NRIP3: variants seen among roughly 807,000 people sequenced by gnomAD.
NRIP3 encodes the protein nuclear receptor interacting protein 3.
A neutral mutation model predicts 29.0 loss-of-function variants in NRIP3; 31 were observed. The observed-to-expected ratio is 1.07, with a 90% CI of 0.80 to 1.44. The LOEUF is 1.44. Among genes scored for constraint, NRIP3 ranks in the 40% most tolerant of loss-of-function variants. The pLI, the probability that NRIP3 is intolerant of heterozygous loss-of-function variation, is 0.00. For synonymous variants in NRIP3, 131 were observed against 118.3 expected, an observed-to-expected ratio of 1.11 and a Z score of -0.70; for missense variants, 314 against 297.9, an observed-to-expected ratio of 1.05 and a Z score of -0.40.
In NRIP3 at chr11:8,988,174, T is replaced by C; in HGVS notation, c.283A>G (p.Lys95Glu). ...TCAGACTTCTTTAGCCCCTCAGACT[T>C]AGCCTGATTGAGTTTGTTCGTCTTA... The part of the protein sequence containing the change: ...ASKTNKLNQA[K>E]SEGLKKSEED... The change falls in exon 2 of 7, where the codon AAG becomes GAG. Residue 95 changes from lysine to glutamate, a missense_variant. Physicochemically the swap from Lys to Glu is moderately conservative, Grantham distance 56 (BLOSUM62 1). Coordinates refer to ENST00000309166, the MANE Select transcript of NRIP3 (RefSeq NM_020645.3). The C allele has an allele frequency of 6.2e-7, 1 of 1,614,134 alleles. No homozygotes were observed. The highest frequency in any genetic ancestry group is 8.5e-7 in the Non-Finnish European group (1 of 1,180,016).
chr11:8,992,307 T>C (rs533902912), intron 1 of NRIP3, among the ~76,000 whole-genome samples: 1 of 152,292 alleles, frequency 6.6e-6, no homozygotes, highest in South Asian at 2.1e-4. Context: ...GACTGATTAG[T>C]TGATAGCTTG....
intron 1 of NRIP3, among the ~76,000 whole-genome samples, chr11:8,994,672 A>G (rs547535904): frequency 6.6e-6 from 1 of 152,328 alleles, no homozygotes; most frequent in Admixed American, 6.5e-5. Context: ...ATTAGAAACA[A>G]TGCTGCAATA....
intron 1 of NRIP3, 26 bp downstream of exon 1, chr11:9,003,736 G>A (rs1403551047): frequency 2.3e-5 from 32 of 1,389,708 alleles, no homozygotes; most frequent in Non-Finnish European, 3.0e-5. Flanking sequence ...GCCGGGGCCG[G>A]GGCGAGAACG....
intron 1 of NRIP3, among the ~76,000 whole-genome samples, chr11:8,990,516 T>C (rs1854581673): frequency 1.3e-5 from 2 of 152,210 alleles, no homozygotes; most frequent in African/African-American, 4.8e-5. Context: ...CCAGGCACGG[T>C]GGCTCACACC....
chr11:8,995,384 T>C (rs1854684038), intron 1 of NRIP3, among the ~76,000 whole-genome samples: 1 of 152,244 alleles, frequency 6.6e-6, no homozygotes, highest in South Asian at 2.1e-4. Context: ...TAAAGGAGGT[T>C]TGAACTCCAA....
intron 1 of NRIP3, among the ~76,000 whole-genome samples, chr11:8,997,948 G>C (rs566827160): frequency 6.6e-6 from 1 of 152,282 alleles, no homozygotes; most frequent in South Asian, 2.1e-4. Flanking sequence ...ATTCCCAAGA[G>C]AGAAATCCAA....
At chr11:8,994,017 A>G (rs574840068) in intron 1 of NRIP3, among the ~76,000 whole-genome samples, 2 of 152,282 alleles carry the variant, frequency 1.3e-5, no homozygotes, top group East Asian at 3.9e-4. Context: ...CAGCCACAAG[A>G]AAAGCCAACT....
At chr11:8,987,864 T>C (rs1009906351) in intron 2 of NRIP3, among the ~76,000 whole-genome samples, 1 of 152,220 alleles carries the variant, frequency 6.6e-6, no homozygotes, top group African/African-American at 2.4e-5. Context: ...TTTCATGCTA[T>C]ACACCAAATA....
At chr11:8,991,141 A>C (rs1276341757) in intron 1 of NRIP3, among the ~76,000 whole-genome samples, 2 of 152,132 alleles carry the variant, frequency 1.3e-5, no homozygotes, top group African/African-American at 2.4e-5. Context: ...CTCTACTAAA[A>C]ATACAAAAAA....
In NRIP3 at chr11:9,000,340, C is replaced by T. The variant is rs1854772278; in HGVS notation, c.174+3422G>A. Among the ~76,000 whole-genome samples the T allele has an allele frequency of 4.6e-5, 7 of 152,172 alleles. No individual in the cohort carries two copies. The South Asian group carries it at 1.4e-3, about 32-fold the overall frequency. On this transcript the variant is annotated intron_variant, in intron 1 of 6. Coordinates refer to ENST00000309166, the MANE Select transcript of NRIP3 (RefSeq NM_020645.3). ...TTCTCTTCTAAGCCTCTGAAATTCTCCAGCCCATGATTTGTGGTGATATGG... is the reference window on the plus strand; with the variant it reads ...TTCTCTTCTAAGCCTCTGAAATTCTTCAGCCCATGATTTGTGGTGATATGG...
Position 8,987,610 on chromosome 11 carries a change from T to C in NRIP3, c.360A>G (p.Lys120=), listed in dbSNP as rs1169241043. ...VSCQCAGKDV[K]ALVDTGCLYN... Reference sequence around the variant, plus strand: ...ATAGGCAGCCTGTGTCAACCAAGGCTTTCACATCCTTTCCAGCACACTGTG... The same window carrying C: ...ATAGGCAGCCTGTGTCAACCAAGGCCTTCACATCCTTTCCAGCACACTGTG... The change falls in exon 3 of 7, where the codon AAA becomes AAG. Residue 120 remains lysine, a synonymous_variant. Coordinates refer to ENST00000309166, the MANE Select transcript of NRIP3 (RefSeq NM_020645.3). 6.2e-7 allele frequency: 1 copy of C among 1,613,964 alleles called. No individual in the cohort carries two copies. The highest frequency in any genetic ancestry group is 8.5e-7 in the Non-Finnish European group (1 of 1,179,862).
chr11:8,988,222 C>T lies in NRIP3; in HGVS notation c.235G>A (p.Gly79Ser), dbSNP rs368304763. The change falls in exon 2 of 7, where the codon GGT becomes AGT. Residue 79 changes from glycine (G) to serine (S), a missense_variant. By Grantham distance (56) the Gly-to-Ser change is moderately conservative (BLOSUM62 0). Coordinates refer to ENST00000309166, the MANE Select transcript of NRIP3 (RefSeq NM_020645.3). ...TTAGAGGCCCAAGGGACACGGGGAC[C>T]GCTTCGGAGCTTAGACAGGTTGGTT... ...METNLSKLRS[G>S]PRVPWASKTN... The T allele has an allele frequency of 2.0e-5, 33 of 1,614,116 alleles. No homozygotes were observed. In the African/African-American group the frequency reaches 2.5e-4, roughly 12 times the overall value.
chr11:8,983,401 T>C lies in NRIP3; in HGVS notation c.*144A>G. On this transcript the variant is annotated 3_prime_UTR_variant, in exon 7 of 7. Coordinates refer to ENST00000309166, the MANE Select transcript of NRIP3 (RefSeq NM_020645.3). ...AGACTATAGTCTAGAGAGGTCTGAA[T>C]GGGAAGGAGCCCCTGGAGCTTCTAT... is the stretch of plus-strand genomic sequence containing the variant. 1.5e-6 allele frequency: 1 copy of C among 684,958 alleles called. No homozygotes were observed. The highest frequency in any genetic ancestry group is 2.5e-6 in the Non-Finnish European group (1 of 394,490). 42.4% of individuals were successfully genotyped at this position (684,958 alleles called of 1,614,324 possible).
At chr11:8,983,713 T>C (rs1854459503) in intron 6 of NRIP3, 153 bp from the exon 7 acceptor site, 1 of 882,792 alleles carries the variant, frequency 1.1e-6, no homozygotes, top group Admixed American at 2.0e-5. Context: ...CTACAGAGTT[T>C]TGTGGGGTGA....
rs762691750 is a variant in NRIP3 at position 8,982,973 on chromosome 11, T to TA, written c.*571dup. On this transcript the variant is annotated 3_prime_UTR_variant, in exon 7 of 7. Coordinates refer to ENST00000309166, the MANE Select transcript of NRIP3 (RefSeq NM_020645.3). Reference sequence around the variant, plus strand: ...CAGTCACTGACCTAATATATGAACTTAGACAATTCACTTGCCTCTCTGGAC... The same window carrying TA: ...CAGTCACTGACCTAATATATGAACTTAAGACAATTCACTTGCCTCTCTGGAC... The TA allele has an allele frequency of 1.2e-4, 54 of 456,652 alleles. No individual in the cohort carries two copies. Among genetic ancestry groups the TA allele is most frequent in the African/African-American group, 9.0e-4 (45 of 50,158 alleles). The allele number at this position is 456,652 out of a possible 1,614,324, so 28.3% of individuals were successfully genotyped here. A position where few individuals can be genotyped will look rare whatever the true frequency, so the allele number is the denominator to read the frequency against.
At chr11:8,998,781 T>A (rs1481637066) in intron 1 of NRIP3, among the ~76,000 whole-genome samples, 1 of 147,082 alleles carries the variant, frequency 6.8e-6, no homozygotes, top group African/African-American at 2.5e-5. Flanking sequence ...AATCAAACTC[T>A]TCATTTTTTT....
chr11:8,981,205 C>G lies in NRIP3; in HGVS notation c.*2340G>C, dbSNP rs1273582906. ...TGAATGAAGGCCGGGTGCGGTGGCT[C>G]ACGCCTGTAATCCCAGCACTTTGGG... On this transcript the variant is annotated 3_prime_UTR_variant, in exon 7 of 7. Transcript: ENST00000309166. The G allele has an allele frequency of 6.6e-6, 1 of 152,528 alleles. No individual in the cohort carries two copies. The highest frequency in any genetic ancestry group is 6.5e-5 in the Admixed American group (1 of 15,290). The allele number at this position is 152,528 out of a possible 1,614,324, so 9.4% of individuals were successfully genotyped here. A position where few individuals can be genotyped will look rare whatever the true frequency, so the allele number is the denominator to read the frequency against.
At chr11:8,996,825 C>T (rs1465450775) in intron 1 of NRIP3, among the ~76,000 whole-genome samples, 5 of 152,170 alleles carry the variant, frequency 3.3e-5, no homozygotes, top group Non-Finnish European at 7.3e-5. Flanking sequence ...GAGGCTGAGG[C>T]AGGACTGCTT....
chr11:8,989,025 C>G (rs1854558796), intron 1 of NRIP3, among the ~76,000 whole-genome samples: 1 of 152,070 alleles, frequency 6.6e-6, no homozygotes, highest in African/African-American at 2.4e-5. Flanking sequence ...CTTCAATGGC[C>G]CAAAAAGTGG....
Sources: gnomAD v4.1 joint callset for allele counts (sites outside exome capture counted in the v4.1 genomes callset) on GRCh38, gnomAD v4.1.1 for gene constraint, MANE v1.5 for transcripts, NCBI Gene and HGNC (gene_info 2026-07-23, HGNC 2026-07-21) for gene names.